TAFA2: variants seen among roughly 807,000 people sequenced by gnomAD.
The protein encoded by TAFA2 is chemokine-like protein TAFA-2.
In TAFA2, 7 loss-of-function variants were observed where a neutral mutation model predicts 18.8. The observed-to-expected ratio is 0.37, with a 90% CI of 0.21 to 0.70. The LOEUF (loss-of-function observed/expected upper bound fraction) is 0.70. Ranked by LOEUF, TAFA2 falls within the 30% of genes least tolerant of loss-of-function variation. The pLI is 0.53. For missense variants in TAFA2, 122 were observed against 158.1 expected, an observed-to-expected ratio of 0.77 and a Z score of 1.23; for synonymous variants, 60 against 54.2, an observed-to-expected ratio of 1.11 and a Z score of -0.47.
chr12:62,112,594 T>C (rs1260922185), intron 1 of TAFA2, among the ~76,000 whole-genome samples: 1 of 152,154 alleles, frequency 6.6e-6, no homozygotes, highest in Non-Finnish European at 1.5e-5. Context: ...CTTGGTTCCC[T>C]TCTCCCAGTC....
chr12:61,976,885 G>A (rs966890028), intron 1 of TAFA2, among the ~76,000 whole-genome samples: 4 of 152,004 alleles, frequency 2.6e-5, no homozygotes, highest in African/African-American at 9.7e-5. Flanking sequence ...AGTATTCCAT[G>A]TTGTATATGT....
chr12:61,981,032 G>A (rs1172847896), intron 1 of TAFA2, among the ~76,000 whole-genome samples: 1 of 152,128 alleles, frequency 6.6e-6, no homozygotes, highest in African/African-American at 2.4e-5. Flanking sequence ...AAAGCTGGAG[G>A]CATCATGCTA....
At chr12:62,014,903 CA>C (rs34155945) in intron 1 of TAFA2, among the ~76,000 whole-genome samples, 15 of 150,304 alleles carry the variant, frequency 1.0e-4, no homozygotes, top group Admixed American at 8.0e-4. Context: ...AGGCAACCTC[CA>C]AAAAAAAAGC....
intron 1 of TAFA2, among the ~76,000 whole-genome samples, chr12:61,892,097 G>A (rs1875661865): frequency 1.3e-5 from 2 of 151,740 alleles, no homozygotes; most frequent in Non-Finnish European, 2.9e-5. Flanking sequence ...TATCAGTAGA[G>A]AGGAAGAAAA....
intron 1 of TAFA2, among the ~76,000 whole-genome samples, chr12:61,992,637 A>C (rs930381082): frequency 6.6e-6 from 1 of 152,088 alleles, no homozygotes; most frequent in Non-Finnish European, 1.5e-5. Context: ...TCTTCACCAT[A>C]TACCTAAGGC....
At chr12:61,836,851 A>G (rs938732276) in intron 2 of TAFA2, among the ~76,000 whole-genome samples, 1 of 150,020 alleles carries the variant, frequency 6.7e-6, no homozygotes, top group Non-Finnish European at 1.5e-5. Flanking sequence ...GTTTATTGAG[A>G]ATTTGTATTT....
chr12:61,992,562 C>T (rs184331948), intron 1 of TAFA2, among the ~76,000 whole-genome samples: 11 of 152,256 alleles, frequency 7.2e-5, no homozygotes, highest in Admixed American at 6.5e-4. Context: ...ATAAGTCAAA[C>T]TGTGTCACTG....
intron 1 of TAFA2, among the ~76,000 whole-genome samples, chr12:62,013,113 T>G (rs1410717882): frequency 6.6e-6 from 1 of 152,144 alleles, no homozygotes; most frequent in Non-Finnish European, 1.5e-5. Flanking sequence ...CATTCGTAGT[T>G]TATGGACAAA....
chr12:61,884,237 GC>G (rs1875270838), intron 1 of TAFA2, among the ~76,000 whole-genome samples: 1 of 152,166 alleles, frequency 6.6e-6, no homozygotes. Context: ...TATTTAGAAT[GC>G]TGACGGCGAC....
At chr12:62,037,322 A>G (rs1338474917) in intron 1 of TAFA2, among the ~76,000 whole-genome samples, 2 of 152,238 alleles carry the variant, frequency 1.3e-5, no homozygotes, top group Non-Finnish European at 2.9e-5. Flanking sequence ...AATGTCCTTA[A>G]GCACACTAGA....
chr12:62,048,280 T>C (rs1592304270), intron 1 of TAFA2, among the ~76,000 whole-genome samples: 1 of 152,164 alleles, frequency 6.6e-6, no homozygotes, highest in African/African-American at 2.4e-5. Flanking sequence ...AGGCACCTTC[T>C]TGCCAAGGAA....
intron 1 of TAFA2, among the ~76,000 whole-genome samples, chr12:62,245,199 A>G (rs1022850647): frequency 6.6e-6 from 1 of 151,972 alleles, no homozygotes; most frequent in Non-Finnish European, 1.5e-5. Flanking sequence ...ATTTTTTCCT[A>G]TGGATATCTA....
At chr12:62,033,266 A>C (rs1881509258) in intron 1 of TAFA2, among the ~76,000 whole-genome samples, 1 of 152,210 alleles carries the variant, frequency 6.6e-6, no homozygotes, top group Admixed American at 6.5e-5. Flanking sequence ...TTTTTCATGA[A>C]CATACATATA....
chr12:62,247,010 C>T (rs1043656089), intron 1 of TAFA2, among the ~76,000 whole-genome samples: 1 of 151,820 alleles, frequency 6.6e-6, no homozygotes, highest in Non-Finnish European at 1.5e-5. Context: ...ATATATTTGG[C>T]CTTATTTCTA....
At chr12:61,865,973 C>G (rs542916521) in intron 2 of TAFA2, among the ~76,000 whole-genome samples, 1 of 152,284 alleles carries the variant, frequency 6.6e-6, no homozygotes, top group South Asian at 2.1e-4. Flanking sequence ...GTATTTAATA[C>G]TACTTCGTTC....
At chr12:61,844,381 T>C (rs1352986034) in intron 2 of TAFA2, among the ~76,000 whole-genome samples, 1 of 152,140 alleles carries the variant, frequency 6.6e-6, no homozygotes, top group African/African-American at 2.4e-5. Flanking sequence ...GAATCATGTG[T>C]ACGGAGTCAT....
chr12:62,119,608 T>C (rs1220951091), intron 1 of TAFA2, among the ~76,000 whole-genome samples: 1 of 152,222 alleles, frequency 6.6e-6, no homozygotes, highest in African/African-American at 2.4e-5. Flanking sequence ...ATTAGCTCTT[T>C]TGAACGCTGC....
intron 4 of TAFA2, among the ~76,000 whole-genome samples, chr12:61,746,061 C>T (rs549563027): frequency 5.6e-4 from 85 of 151,496 alleles, no homozygotes; most frequent in African/African-American, 2.0e-3. Flanking sequence ...TTAGTTGTGT[C>T]CCCACCCAAA....
chr12:62,095,024 C>T (rs992197481), intron 1 of TAFA2, among the ~76,000 whole-genome samples: 8 of 151,998 alleles, frequency 5.3e-5, no homozygotes, highest in Admixed American at 2.6e-4. Context: ...GTAATTGTAT[C>T]ATTATTCCTG....
Sources: gnomAD v4.1 joint callset for allele counts (sites outside exome capture counted in the v4.1 genomes callset) on GRCh38, gnomAD v4.1.1 for gene constraint, MANE v1.5 for transcripts, NCBI Gene and HGNC (gene_info 2026-07-23, HGNC 2026-07-21) for gene names.